Variants in KCND2 observed in about 807,000 individuals in gnomAD.
KCND2 encodes the protein potassium voltage-gated channel subfamily D member 2.
In KCND2, 16 loss-of-function variants were observed where a neutral mutation model predicts 54.4. The observed-to-expected ratio is 0.29, with a 90% confidence interval of 0.20 to 0.45. KCND2 has a LOEUF of 0.45. Among genes scored for constraint, KCND2 ranks in the 20% least tolerant of loss-of-function variants. The probability of loss-of-function intolerance (pLI) is 1.00; values close to 1 mark genes in which losing one functional copy is unlikely to be tolerated. For missense variants in KCND2, 486 were observed against 824.2 expected (o/e 0.59, Z 5.02); for synonymous variants, 317 against 310.7 (o/e 1.02, Z -0.21).
At chr7:120,483,845 A>C (rs546546670) in intron 1 of KCND2, among the ~76,000 whole-genome samples, 20 of 152,298 alleles carry the variant, frequency 1.3e-4, no homozygotes, top group African/African-American at 4.6e-4. Context: ...CGAGTGTATA[A>C]AATTGTTTCT....
At chr7:120,305,477 T>C (rs542815352) in intron 1 of KCND2, among the ~76,000 whole-genome samples, 5 of 152,296 alleles carry the variant, frequency 3.3e-5, no homozygotes, top group Non-Finnish European at 5.9e-5. Context: ...TAAGTCTTAA[T>C]GAAGCAATGA....
chr7:120,637,134 A>G (rs545260111), intron 1 of KCND2, among the ~76,000 whole-genome samples: 1 of 152,268 alleles, frequency 6.6e-6, no homozygotes, highest in East Asian at 1.9e-4. Context: ...TCCAAAACAC[A>G]TAGTAAGTGC....
At chr7:120,392,471 TG>T (rs1440483678) in intron 1 of KCND2, among the ~76,000 whole-genome samples, 5 of 151,492 alleles carry the variant, frequency 3.3e-5, no homozygotes, top group African/African-American at 9.7e-5. Context: ...TGAAGAAAGT[TG>T]ATTTTACAAA....
intron 1 of KCND2, among the ~76,000 whole-genome samples, chr7:120,463,745 A>G (rs554998322): frequency 8.9e-4 from 136 of 152,270 alleles, no homozygotes; most frequent in African/African-American, 3.1e-3. Flanking sequence ...TGAAGGTGAC[A>G]TCGCAGATTA....
intron 1 of KCND2, among the ~76,000 whole-genome samples, chr7:120,434,012 A>G (rs905032091): frequency 4.6e-5 from 7 of 152,238 alleles, no homozygotes; most frequent in Non-Finnish European, 7.3e-5. Flanking sequence ...CAGATGATCA[A>G]TAATGATCTG....
At chr7:120,299,842 T>A (rs1180855904) in intron 1 of KCND2, among the ~76,000 whole-genome samples, 1 of 152,192 alleles carries the variant, frequency 6.6e-6, no homozygotes, top group Admixed American at 6.5e-5. Context: ...CAGGCCTACT[T>A]GCAAAGTGGC....
At chr7:120,397,682 A>C (rs2116068869) in intron 1 of KCND2, among the ~76,000 whole-genome samples, 1 of 152,058 alleles carries the variant, frequency 6.6e-6, no homozygotes, top group African/African-American at 2.4e-5. Context: ...TTGTAGATTT[A>C]GCATTTCTGT....
chr7:120,340,325 T>C (rs1800222858), intron 1 of KCND2, among the ~76,000 whole-genome samples: 1 of 152,160 alleles, frequency 6.6e-6, no homozygotes, highest in Non-Finnish European at 1.5e-5. Flanking sequence ...TCCAACAAAT[T>C]GGATGTGTAT....
chr7:120,392,273 T>C (rs991874508), intron 1 of KCND2, among the ~76,000 whole-genome samples: 1 of 152,016 alleles, frequency 6.6e-6, no homozygotes, highest in Non-Finnish European at 1.5e-5. Flanking sequence ...CATTGGTCTA[T>C]GTATCTTTTT....
intron 1 of KCND2, among the ~76,000 whole-genome samples, chr7:120,385,183 T>C (rs967889012): frequency 6.6e-6 from 1 of 151,244 alleles, no homozygotes; most frequent in African/African-American, 2.4e-5. Context: ...TTTTTTTTTT[T>C]GGTAGAGACG....
At chr7:120,604,547 A>C (rs1212974327) in intron 1 of KCND2, among the ~76,000 whole-genome samples, 2 of 148,108 alleles carry the variant, frequency 1.4e-5, no homozygotes, top group Non-Finnish European at 3.0e-5. Flanking sequence ...TAATAATAAT[A>C]ATAATATTAC....
intron 1 of KCND2, among the ~76,000 whole-genome samples, chr7:120,663,679 C>T (rs1438593263): frequency 6.6e-6 from 1 of 152,120 alleles, no homozygotes; most frequent in Non-Finnish European, 1.5e-5. Context: ...TGCTTACATA[C>T]AGATGATTAC....
chr7:120,723,435 T>A (rs1011324329), intron 1 of KCND2, among the ~76,000 whole-genome samples: 2 of 152,156 alleles, frequency 1.3e-5, no homozygotes, highest in African/African-American at 4.8e-5. Context: ...GAATAGATGG[T>A]TATTGAACAA....
intron 1 of KCND2, among the ~76,000 whole-genome samples, chr7:120,690,001 G>A (rs556505260): frequency 3.9e-4 from 59 of 152,262 alleles, no homozygotes; most frequent in African/African-American, 1.0e-3. Context: ...AGTCAAATCA[G>A]CAATTCTCCT....
intron 1 of KCND2, among the ~76,000 whole-genome samples, chr7:120,590,269 C>T (rs1215952297): frequency 6.6e-6 from 1 of 152,106 alleles, no homozygotes; most frequent in East Asian, 1.9e-4. Flanking sequence ...TCTGCTCACT[C>T]GGATTCCCAA....
At chr7:120,642,253 T>C (rs1458972892) in intron 1 of KCND2, among the ~76,000 whole-genome samples, 1 of 152,044 alleles carries the variant, frequency 6.6e-6, no homozygotes, top group Non-Finnish European at 1.5e-5. Context: ...TAGTTTTTAT[T>C]ACATAAAGTT....
intron 1 of KCND2, among the ~76,000 whole-genome samples, chr7:120,279,671 C>G (rs917491103): frequency 6.6e-6 from 1 of 151,654 alleles, no homozygotes; most frequent in African/African-American, 2.4e-5. Flanking sequence ...AATTTTTGTG[C>G]GTTTGGTGAA....
At chr7:120,304,289 G>T (rs534711419) in intron 1 of KCND2, among the ~76,000 whole-genome samples, 2 of 152,032 alleles carry the variant, frequency 1.3e-5, no homozygotes, top group Admixed American at 6.6e-5. Flanking sequence ...GGGGAAGTTC[G>T]GTATTTTGAA....
intron 1 of KCND2, among the ~76,000 whole-genome samples, chr7:120,481,635 C>T (rs1015280643): frequency 3.9e-5 from 6 of 152,164 alleles, no homozygotes; most frequent in Admixed American, 3.9e-4. Flanking sequence ...TGGGTGCCCT[C>T]CATTAGCTCA....
Sources: gnomAD v4.1 joint callset for allele counts (sites outside exome capture counted in the v4.1 genomes callset) on GRCh38, gnomAD v4.1.1 for gene constraint, MANE v1.5 for transcripts, NCBI Gene and HGNC (gene_info 2026-07-23, HGNC 2026-07-21) for gene names.